The following TRAPPC9 variants were observed in gnomAD, a reference collection of about 807,000 sequenced individuals.
The protein encoded by TRAPPC9 is trafficking protein particle complex subunit 9.
TRAPPC9 carries 83 observed loss-of-function variants against 124.0 expected under a neutral mutation model. The ratio of observed to expected loss-of-function variants is 0.67; its 90% CI spans 0.56 to 0.80. TRAPPC9 has a LOEUF of 0.80. Among genes scored for constraint, TRAPPC9 ranks in the 30% least tolerant of loss-of-function variants. The pLI is 0.00. For synonymous variants in TRAPPC9, 638 were observed against 617.5 expected (o/e 1.03, Z -0.49); for missense variants, 1,302 against 1,508.3 (o/e 0.86, Z 2.27).
chr8:140,405,511 G>A (rs533846935), intron 6 of TRAPPC9, 66 bp downstream of exon 6: 1 of 1,567,048 alleles, frequency 6.4e-7, no homozygotes, highest in Non-Finnish European at 8.8e-7. Context: ...ATTACACAAT[G>A]TAAAATGGAA....
chr8:140,024,236 G>A (rs951242123), intron 17 of TRAPPC9, among the ~76,000 whole-genome samples, 157 bp from the exon 18 acceptor site: 8 of 151,744 alleles, frequency 5.3e-5, no homozygotes, highest in Non-Finnish European at 8.8e-5. Flanking sequence ...GGCGGGTACC[G>A]ACTCACACCC....
chr8:140,238,818 G>A (rs1265783193), intron 16 of TRAPPC9, among the ~76,000 whole-genome samples: 1 of 152,220 alleles, frequency 6.6e-6, no homozygotes. Context: ...GAGAGCTGGG[G>A]CCACGGGGAA....
intron 21 of TRAPPC9, among the ~76,000 whole-genome samples, chr8:139,784,646 A>ATATATATATAT (rs1290029459): frequency 8.1e-4 from 64 of 79,274 alleles, no homozygotes; most frequent in Non-Finnish European, 8.4e-4. Context: ...TATATATATA[A>ATATATATATAT]ATCAACTGCA....
intron 16 of TRAPPC9, among the ~76,000 whole-genome samples, chr8:140,249,716 A>C (rs894117357): frequency 3.5e-5 from 5 of 141,658 alleles, no homozygotes; most frequent in African/African-American, 1.3e-4. Context: ...CCATTCTCCC[A>C]CCTCAGCCTC....
At position 140,065,592 on chromosome 8, in the gene TRAPPC9, C is replaced by T. The variant is rs576032318; in HGVS notation, c.2557-41513G>A. Among the ~76,000 whole-genome samples the T allele has an allele frequency of 8.5e-5, 13 of 152,272 alleles. No homozygotes were observed. The South Asian group carries it at 2.3e-3, about 27-fold the overall frequency. ...ATTTCCCATTCTGAAAATTCGAGGACCCCTAAGAATGATGCTAAATCTACT... is the reference window on the plus strand; with the variant it reads ...ATTTCCCATTCTGAAAATTCGAGGATCCCTAAGAATGATGCTAAATCTACT... On this transcript the variant is annotated intron_variant, in intron 17 of 22. Transcript: ENST00000438773.
intron 19 of TRAPPC9, among the ~76,000 whole-genome samples, chr8:139,955,611 C>T (rs1186168106): frequency 6.6e-6 from 1 of 152,140 alleles, no homozygotes; most frequent in African/African-American, 2.4e-5. Context: ...CAGGATTCCT[C>T]GAGAACTGCA....
rs1017568833 is a variant in TRAPPC9, at chr8:140,044,647, G to C, written c.2557-20568C>G. 2.0e-5 allele frequency among the ~76,000 whole-genome samples: 3 copies of C among 152,250 alleles called. No individual in the cohort carries two copies. In the South Asian group the frequency reaches 6.2e-4, roughly 32 times the overall value. On this transcript the variant is annotated intron_variant, in intron 17 of 22. Coordinates refer to ENST00000438773, the MANE Select transcript of TRAPPC9 (RefSeq NM_001160372.4). ...AGGAGGTGGGTAAATGCTACGGACG[G>C]AATACATAAATGACGAAAGCAACAC... is the stretch of plus-strand genomic sequence containing the variant.
At chr8:139,957,892 A>G (rs747985676) in intron 19 of TRAPPC9, among the ~76,000 whole-genome samples, 15 of 152,196 alleles carry the variant, frequency 9.9e-5, no homozygotes, top group Non-Finnish European at 1.8e-4. Flanking sequence ...TGTTCTAATC[A>G]AACTGACGTC....
intron 20 of TRAPPC9, among the ~76,000 whole-genome samples, chr8:139,896,071 C>T (rs1563902675): frequency 6.6e-6 from 1 of 152,184 alleles, no homozygotes; most frequent in African/African-American, 2.4e-5. Flanking sequence ...CGGACATGAG[C>T]CATAAAATTA....
intron 5 of TRAPPC9, among the ~76,000 whole-genome samples, chr8:140,413,923 G>C (rs903345813): frequency 7.3e-5 from 11 of 151,608 alleles, no homozygotes; most frequent in African/African-American, 2.4e-5. Context: ...TTGGACATTT[G>C]GGTTGGTTCC....
intron 7 of TRAPPC9, among the ~76,000 whole-genome samples, chr8:140,394,430 C>T (rs1326301352): frequency 6.6e-6 from 1 of 152,172 alleles, no homozygotes; most frequent in Non-Finnish European, 1.5e-5. Flanking sequence ...CCAGTCCTTC[C>T]AGTGACCACA....
At chr8:140,180,388 A>G (rs934793836) in intron 17 of TRAPPC9, among the ~76,000 whole-genome samples, 5 of 151,866 alleles carry the variant, frequency 3.3e-5, no homozygotes, top group African/African-American at 1.2e-4. Flanking sequence ...TCCTTTATAT[A>G]TGTTTTAAAG....
At chr8:140,387,772 G>C (rs993248343) in intron 7 of TRAPPC9, among the ~76,000 whole-genome samples, 27 of 152,200 alleles carry the variant, frequency 1.8e-4, no homozygotes, top group African/African-American at 6.0e-4. Flanking sequence ...TTACACTGTT[G>C]GTGGGACTGT....
chr8:139,766,292 G>T (rs1820581439), intron 21 of TRAPPC9, among the ~76,000 whole-genome samples: 1 of 152,154 alleles, frequency 6.6e-6, no homozygotes, highest in East Asian at 1.9e-4. Flanking sequence ...GCCAGGGAGT[G>T]TCTCTGCTCC....
intron 21 of TRAPPC9, among the ~76,000 whole-genome samples, chr8:139,852,365 C>T (rs915891534): frequency 1.3e-5 from 2 of 152,210 alleles, no homozygotes; most frequent in African/African-American, 4.8e-5. Context: ...CTAGTGTGCG[C>T]CCATGTTATT....
chr8:139,820,064 T>C (rs1206951144), intron 21 of TRAPPC9, among the ~76,000 whole-genome samples: 2 of 144,476 alleles, frequency 1.4e-5, no homozygotes, highest in Non-Finnish European at 3.0e-5. Context: ...ATTACAACAC[T>C]GAAAAGGGAA....
chr8:139,830,646 C>T (rs1825930819), intron 21 of TRAPPC9, among the ~76,000 whole-genome samples: 1 of 151,892 alleles, frequency 6.6e-6, no homozygotes, highest in Admixed American at 6.6e-5. Context: ...AGATACAATA[C>T]AGACATACAC....
intron 16 of TRAPPC9, among the ~76,000 whole-genome samples, chr8:140,240,901 C>T (rs1375971819): frequency 2.6e-5 from 4 of 152,144 alleles, no homozygotes; most frequent in Non-Finnish European, 5.9e-5. Flanking sequence ...AAGTTGTCAG[C>T]GGCTCTCCAG....
chr8:139,787,463 G>C (rs1307977221), intron 21 of TRAPPC9, among the ~76,000 whole-genome samples: 1 of 152,088 alleles, frequency 6.6e-6, no homozygotes, highest in Non-Finnish European at 1.5e-5. Context: ...GCCGGGCAGG[G>C]GCAGAGCCAA....
Sources: gnomAD v4.1 joint callset for allele counts (sites outside exome capture counted in the v4.1 genomes callset) on GRCh38, gnomAD v4.1.1 for gene constraint, MANE v1.5 for transcripts, NCBI Gene and HGNC (gene_info 2026-07-23, HGNC 2026-07-21) for gene names.